EYS: variants seen among roughly 807,000 people sequenced by gnomAD.
The protein encoded by EYS is protein eyes shut homolog.
In EYS, 250 loss-of-function variants were observed where a neutral mutation model predicts 282.1. The observed-to-expected ratio is 0.89, with a 90% CI of 0.80 to 0.98. The LOEUF is 0.98. EYS is among the 50% of genes least tolerant of loss of function. The pLI, the probability that EYS is intolerant of heterozygous loss-of-function variation, is 0.00. For missense variants in EYS, 4,016 were observed against 3,709.0 expected (o/e 1.08, Z -2.15); for synonymous variants, 1,355 against 1,282.9 (o/e 1.06, Z -1.20).
intron 33 of EYS, among the ~76,000 whole-genome samples, chr6:64,049,060 G>T (rs1770722415): frequency 6.6e-6 from 1 of 152,060 alleles, no homozygotes; most frequent in African/African-American, 2.4e-5. Flanking sequence ...AATTCCCATG[G>T]CACTTACAAT....
chr6:64,167,930 G>T (rs1364421504), intron 31 of EYS, among the ~76,000 whole-genome samples: 1 of 143,726 alleles, frequency 7.0e-6, no homozygotes, highest in Non-Finnish European at 1.6e-5. Context: ...AAAATGATAA[G>T]ATATTACTTT....
intron 35 of EYS, among the ~76,000 whole-genome samples, chr6:63,931,086 G>A (rs1764878023): frequency 6.6e-6 from 1 of 152,098 alleles, no homozygotes; most frequent in Non-Finnish European, 1.5e-5. Context: ...GCATAAACTG[G>A]GTTGTATGAT....
At chr6:64,430,775 G>C (rs1774550929) in intron 28 of EYS, among the ~76,000 whole-genome samples, 1 of 152,114 alleles carries the variant, frequency 6.6e-6, no homozygotes, top group Admixed American at 6.6e-5. Context: ...AATGCAGAAA[G>C]GGGTGGGATT....
chr6:65,315,829 T>C (rs1383833498), intron 11 of EYS, among the ~76,000 whole-genome samples: 3 of 146,092 alleles, frequency 2.1e-5, no homozygotes, highest in African/African-American at 5.1e-5. Context: ...TAGTAGATAA[T>C]GTAAGCAGTT....
At chr6:65,599,868 C>T (rs921692058) in intron 2 of EYS, among the ~76,000 whole-genome samples, 1 of 151,940 alleles carries the variant, frequency 6.6e-6, no homozygotes, top group Non-Finnish European at 1.5e-5. Flanking sequence ...AAACAAATAC[C>T]TTGAGTGCTA....
At chr6:65,596,449 C>T (rs777753446) in intron 2 of EYS, among the ~76,000 whole-genome samples, 4 of 152,038 alleles carry the variant, frequency 2.6e-5, no homozygotes, top group Non-Finnish European at 2.9e-5. Context: ...CAAAGGCCTA[C>T]ATTACTGAAT....
At chr6:65,275,635 T>C (rs1198001465) in intron 12 of EYS, among the ~76,000 whole-genome samples, 1 of 152,162 alleles carries the variant, frequency 6.6e-6, no homozygotes, top group Non-Finnish European at 1.5e-5. Context: ...AGGGCAATCA[T>C]ATATGGATTC....
intron 22 of EYS, among the ~76,000 whole-genome samples, chr6:64,800,195 A>G (rs1774494793): frequency 6.6e-6 from 1 of 152,070 alleles, no homozygotes; most frequent in Non-Finnish European, 1.5e-5. Flanking sequence ...GTATGCTGCA[A>G]ATGTACAGAT....
intron 2 of EYS, among the ~76,000 whole-genome samples, chr6:65,638,097 T>G (rs1337835514): frequency 6.6e-6 from 1 of 152,108 alleles, no homozygotes; most frequent in Non-Finnish European, 1.5e-5. Context: ...TAAGCGCATA[T>G]TTCCTCCCTT....
Position 65,115,257 on chromosome 6 carries a change from A to G in EYS, c.2024-57530T>C, listed in dbSNP as rs561142361. ...AATATAAAAACAAAAAATTTTATAC[A>G]AAGTATCATAATATACCTTTCCTAT... On this transcript the variant is annotated intron_variant, in intron 12 of 42. Coordinates refer to ENST00000503581, the MANE Select transcript of EYS (RefSeq NM_001142800.2). Among the ~76,000 whole-genome samples the G allele has an allele frequency of 3.3e-5, 5 of 152,234 alleles. No individual in the cohort carries two copies. The East Asian group carries it at 9.6e-4, about 29-fold the overall frequency.
chr6:64,708,273 T>C (rs1771098806), intron 22 of EYS, among the ~76,000 whole-genome samples: 1 of 152,224 alleles, frequency 6.6e-6, no homozygotes, highest in African/African-American at 2.4e-5. Context: ...CAGTACTGCG[T>C]ATGACAGGGA....
chr6:64,591,840 C>A lies in EYS; in HGVS notation c.4027G>T (p.Ala1343Ser), dbSNP rs896797826. ...AGGAATCGAGAAGAGGAAACATCTG[C>A]GGAAGAAAGAAGACTGTGTTTTGCT... is the stretch of plus-strand genomic sequence containing the variant. ...LSAKHSLLSS[A>S]DVSSSRFLNF... The change falls in exon 26 of 43, where the codon GCA becomes TCA. Residue 1343 changes from alanine to serine, a missense_variant. Coordinates refer to ENST00000503581, the MANE Select transcript of EYS (RefSeq NM_001142800.2). The A allele has an allele frequency of 6.4e-7, 1 of 1,551,132 alleles. No individual in the cohort carries two copies. Among genetic ancestry groups the A allele is most frequent in the Non-Finnish European group, 8.7e-7 (1 of 1,146,664 alleles).
At chr6:65,263,448 TAA>T (rs1457676632) in intron 12 of EYS, among the ~76,000 whole-genome samples, 1 of 152,064 alleles carries the variant, frequency 6.6e-6, no homozygotes, top group Non-Finnish European at 1.5e-5. Flanking sequence ...AGTAATATGA[TAA>T]AGTGTTATTA....
intron 8 of EYS, among the ~76,000 whole-genome samples, chr6:65,368,005 G>A (rs1314272844): frequency 6.6e-6 from 1 of 151,508 alleles, no homozygotes; most frequent in Non-Finnish European, 1.5e-5. Context: ...GTTCAGCATG[G>A]GTGGGAAAGC....
At chr6:65,237,175 G>A (rs937520940) in intron 12 of EYS, among the ~76,000 whole-genome samples, 6 of 152,020 alleles carry the variant, frequency 3.9e-5, no homozygotes, top group African/African-American at 4.8e-5. Flanking sequence ...GCGAATAAAC[G>A]AAAGCCAAAT....
chr6:64,260,099 T>C (rs1767539312), intron 30 of EYS, among the ~76,000 whole-genome samples: 1 of 151,832 alleles, frequency 6.6e-6, no homozygotes, highest in Non-Finnish European at 1.5e-5. Flanking sequence ...TGAAGTAATA[T>C]GTGAAATGCT....
chr6:64,412,462 A>G (rs1039719759), intron 28 of EYS, among the ~76,000 whole-genome samples: 1 of 152,124 alleles, frequency 6.6e-6, no homozygotes, highest in African/African-American at 2.4e-5. Flanking sequence ...ATTATATCAG[A>G]TGAATATTGG....
At chr6:64,143,882 C>A (rs995715866) in intron 31 of EYS, among the ~76,000 whole-genome samples, 1 of 152,158 alleles carries the variant, frequency 6.6e-6, no homozygotes. Flanking sequence ...ATGAAGATTT[C>A]TGTGTCATCT....
intron 2 of EYS, among the ~76,000 whole-genome samples, chr6:65,536,726 A>C (rs1269137235): frequency 6.6e-6 from 1 of 152,162 alleles, no homozygotes; most frequent in Non-Finnish European, 1.5e-5. Context: ...TCAACAAAGA[A>C]AAGGATAATA....
Sources: allele counts gnomAD v4.1 joint callset (sites outside exome capture counted in the v4.1 genomes callset), GRCh38; gene constraint gnomAD v4.1.1; transcripts MANE v1.5; gene names NCBI Gene and HGNC (gene_info 2026-07-23, HGNC 2026-07-21).